SGTB: variants seen among roughly 807,000 people sequenced by gnomAD.
SGTB encodes the protein small glutamine rich tetratricopeptide repeat co-chaperone beta, also known as small glutamine-rich tetratricopeptide repeat-containing protein beta.
SGTB carries 19 observed loss-of-function variants against 43.9 expected under a neutral mutation model. The ratio of observed to expected loss-of-function variants is 0.43; its 90% CI spans 0.30 to 0.63. SGTB has a LOEUF of 0.63. Among genes scored for constraint, SGTB ranks in the 30% least tolerant of loss-of-function variants. SGTB has a pLI of 0.12. For synonymous variants in SGTB, 116 were observed against 117.3 expected, an observed-to-expected ratio of 0.99 and a Z score of 0.07; for missense variants, 304 against 358.9, an observed-to-expected ratio of 0.85 and a Z score of 1.24.
At chr5:65,679,957 T>C (rs1757361684) in intron 8 of SGTB, among the ~76,000 whole-genome samples, 1 of 152,218 alleles carries the variant, frequency 6.6e-6, no homozygotes, top group Admixed American at 6.5e-5. Flanking sequence ...ATGCGGTACA[T>C]ATACACCATG....
At chr5:65,674,288 G>A (rs919843612) in intron 8 of SGTB, among the ~76,000 whole-genome samples, 2 of 152,104 alleles carry the variant, frequency 1.3e-5, no homozygotes, top group Admixed American at 1.3e-4. Flanking sequence ...TTCAGTCTTA[G>A]GTTCTTGGCA....
chr5:65,700,608 G>A (rs1420640932), intron 5 of SGTB, among the ~76,000 whole-genome samples: 20 of 150,876 alleles, frequency 1.3e-4, no homozygotes, highest in Admixed American at 2.0e-4. Context: ...GTGAACCCGG[G>A]AGGCGGAGCT....
At chr5:65,689,071 A>G (rs749395430) in intron 5 of SGTB, among the ~76,000 whole-genome samples, 3 of 152,148 alleles carry the variant, frequency 2.0e-5, no homozygotes, top group Admixed American at 2.0e-4. Context: ...CAGCCTCCCA[A>G]AGTGCTGGGA....
chr5:65,722,372 C>G, upstream of SGTB: 1 of 1,581,916 alleles, frequency 6.3e-7, no homozygotes, highest in Non-Finnish European at 8.6e-7. Context: ...CTCAGCGCTC[C>G]CATGATCGCC....
intron 8 of SGTB, among the ~76,000 whole-genome samples, chr5:65,677,002 C>G (rs1240521578): frequency 1.2e-5 from 1 of 83,428 alleles, no homozygotes; most frequent in African/African-American, 4.6e-5. Context: ...GATAGAGACA[C>G]AGAAAACCCT....
chr5:65,713,390 T>C (rs922789116), intron 2 of SGTB, among the ~76,000 whole-genome samples: 1 of 152,124 alleles, frequency 6.6e-6, no homozygotes, highest in Non-Finnish European at 1.5e-5. Context: ...GGCACAATTA[T>C]AGCTCACTGT....
intron 1 of SGTB, among the ~76,000 whole-genome samples, chr5:65,721,266 C>G (rs1488054312): frequency 6.6e-6 from 1 of 152,172 alleles, no homozygotes; most frequent in East Asian, 1.9e-4. Context: ...TACACTCTAC[C>G]CACTTTTGTA....
rs1757050202 is a variant in SGTB, at chr5:65,666,891, A to G, written c.*3355T>C. On this transcript the variant is annotated 3_prime_UTR_variant, in exon 11 of 11. Coordinates refer to ENST00000381007, the MANE Select transcript of SGTB (RefSeq NM_019072.3). ...ACATTGTTTTAAAGTTTTTTTTCTTATAGTATCTTTGTCTGGGTAATACTG... is the reference window on the plus strand; with the variant it reads ...ACATTGTTTTAAAGTTTTTTTTCTTGTAGTATCTTTGTCTGGGTAATACTG... 6.6e-6 allele frequency: 1 copy of G among 152,130 alleles called. No homozygotes were observed. The allele number at this position is 152,130 out of a possible 1,614,324, so 9.4% of individuals were successfully genotyped here. A position where few individuals can be genotyped will look rare whatever the true frequency, so the allele number is the denominator to read the frequency against.
At chr5:65,679,412 CATTTGACT>C (rs2150705635) in intron 8 of SGTB, among the ~76,000 whole-genome samples, 1 of 152,230 alleles carries the variant, frequency 6.6e-6, no homozygotes, top group African/African-American at 2.4e-5. Flanking sequence ...CACCAGAGGT[CATTTGACT>C]AGCCTGGTCA....
chr5:65,718,492 G>A (rs773580229), intron 2 of SGTB, among the ~76,000 whole-genome samples: 2 of 152,196 alleles, frequency 1.3e-5, no homozygotes, highest in Non-Finnish European at 2.9e-5. Context: ...TAGAGAGAGT[G>A]ACAGTGAGCA....
chr5:65,719,469 T>G (rs1758212473), intron 2 of SGTB, among the ~76,000 whole-genome samples: 2 of 152,048 alleles, frequency 1.3e-5, no homozygotes, highest in African/African-American at 4.8e-5. Context: ...AGTGTACTCC[T>G]GTAGTCCCAG....
At chr5:65,719,463 T>C (rs10036017) in intron 2 of SGTB, among the ~76,000 whole-genome samples, 45,315 of 151,790 alleles carry the variant, frequency 0.3, 7,003 homozygotes, top group South Asian at 0.44. Flanking sequence ...TGTGGTAGTG[T>C]ACTCCTGTAG....
At chr5:65,689,262 C>T (rs1188712913) in intron 5 of SGTB, among the ~76,000 whole-genome samples, 1 of 152,096 alleles carries the variant, frequency 6.6e-6, no homozygotes, top group African/African-American at 2.4e-5. Context: ...TATCTGTGTA[C>T]CTAAATCTGG....
At chr5:65,701,854 C>T (rs563028473) in intron 5 of SGTB, among the ~76,000 whole-genome samples, 4 of 152,204 alleles carry the variant, frequency 2.6e-5, no homozygotes, top group South Asian at 2.1e-4. Context: ...AGGATGGTCT[C>T]GATCTCCTGA....
chr5:65,722,535 C>A, upstream of SGTB: 2 of 917,142 alleles, frequency 2.2e-6, no homozygotes, highest in Non-Finnish European at 1.6e-6. Flanking sequence ...CGGGACGCAC[C>A]CTCCCCGCGG....
chr5:65,713,898 G>A (rs1276686495), intron 2 of SGTB, among the ~76,000 whole-genome samples: 1 of 151,856 alleles, frequency 6.6e-6, no homozygotes, highest in Non-Finnish European at 1.5e-5. Context: ...GCGTGGTGGC[G>A]CACACCTATG....
At chr5:65,693,423 G>C (rs1757656754) in intron 5 of SGTB, among the ~76,000 whole-genome samples, 1 of 150,410 alleles carries the variant, frequency 6.6e-6, no homozygotes, top group African/African-American at 2.5e-5. Flanking sequence ...AGGAGAGAGA[G>C]AGGGAAGGAA....
chr5:65,672,002 G>A lies in SGTB; in HGVS notation c.720-4C>T. 1.2e-6 allele frequency: 2 copies of A among 1,613,782 alleles called. No individual in the cohort carries two copies. The highest frequency in any genetic ancestry group is 1.7e-6 in the Non-Finnish European group (2 of 1,179,838). On this transcript the variant is annotated splice_polypyrimidine_tract_variant and splice_region_variant and intron_variant, in intron 9 of 10. Transcript: ENST00000381007. ...ATTTGTCATCATTCCTGACATTCTA[G>A]AGTACACAAGAAATACATCACTGGG... is the stretch of plus-strand genomic sequence containing the variant.
intron 2 of SGTB, among the ~76,000 whole-genome samples, chr5:65,716,160 T>C (rs10056030): frequency 0.4 from 60,590 of 152,110 alleles, 12,778 homozygotes; most frequent in African/African-American, 0.52. Context: ...GTGTTAGCAT[T>C]ATCTGTGAAG....
Sources: allele counts gnomAD v4.1 joint callset (sites outside exome capture counted in the v4.1 genomes callset), GRCh38; gene constraint gnomAD v4.1.1; transcripts MANE v1.5; gene names NCBI Gene and HGNC (gene_info 2026-07-23, HGNC 2026-07-21).